CDKL2: variants seen among roughly 807,000 people sequenced by gnomAD.
CDKL2 encodes the protein cyclin-dependent kinase-like 2.
Under a neutral mutation model 63.9 loss-of-function variants are expected in CDKL2, and 64 were observed. That is an observed-to-expected ratio of 1.00 (90% CI 0.82 to 1.23). CDKL2 has a LOEUF of 1.23. Among genes scored for constraint, CDKL2 ranks in the 50% most tolerant of loss-of-function variants. CDKL2 has a pLI of 0.00. For missense variants in CDKL2, 656 were observed against 668.0 expected (o/e 0.98, Z 0.20); for synonymous variants, 211 against 229.2 (o/e 0.92, Z 0.72).
intron 12 of CDKL2, among the ~76,000 whole-genome samples, chr4:75,582,126 T>A (rs1212275701): frequency 6.6e-6 from 1 of 152,222 alleles, no homozygotes; most frequent in Non-Finnish European, 1.5e-5. Flanking sequence ...AGTTTATGCA[T>A]ATGTTAAAAG....
intron 2 of CDKL2, among the ~76,000 whole-genome samples, chr4:75,615,847 C>T (rs1729903993): frequency 6.6e-6 from 1 of 151,824 alleles, no homozygotes; most frequent in African/African-American, 2.4e-5. Flanking sequence ...AAAAATTAGC[C>T]TGGTGTGGTT....
chr4:75,626,773 C>T (rs1458331822), intron 1 of CDKL2, among the ~76,000 whole-genome samples: 1 of 151,934 alleles, frequency 6.6e-6, no homozygotes, highest in Non-Finnish European at 1.5e-5. Context: ...TGCCTGTGGT[C>T]CCAGCTACTT....
intron 7 of CDKL2, among the ~76,000 whole-genome samples, chr4:75,599,705 G>A (rs1421894362): frequency 6.6e-6 from 1 of 152,124 alleles, no homozygotes; most frequent in Admixed American, 6.6e-5. Flanking sequence ...ACAACTAATT[G>A]AGTACAAAAG....
chr4:75,593,396 A>G (rs1469834070), intron 10 of CDKL2, among the ~76,000 whole-genome samples: 1 of 152,076 alleles, frequency 6.6e-6, no homozygotes, highest in Non-Finnish European at 1.5e-5. Context: ...ATTGATCTTT[A>G]ACATACAAGT....
chr4:75,591,073 C>CAA (rs1728693525), intron 12 of CDKL2, among the ~76,000 whole-genome samples: 1 of 151,828 alleles, frequency 6.6e-6, no homozygotes, highest in Non-Finnish European at 1.5e-5. Context: ...TATGGAATAG[C>CAA]AAATCTTTAA....
intron 4 of CDKL2, among the ~76,000 whole-genome samples, chr4:75,606,004 A>G (rs1236880199): frequency 2.6e-5 from 4 of 152,174 alleles, no homozygotes; most frequent in Non-Finnish European, 5.9e-5. Context: ...CCTTCTGAAA[A>G]GCCAAAACAG....
rs1729453380 is a variant in CDKL2, at chr4:75,607,166, C to T, written c.542+17G>A. On this transcript the variant is annotated intron_variant, in intron 4 of 13. Transcript: ENST00000307465. ...GCAAGAGTAAAAATCTACTCCTCCC[C>T]ATTACTGATGTCTTACTTGCCATAC... 3.8e-6 allele frequency: 6 copies of T among 1,589,564 alleles called. No homozygotes were observed. The highest frequency in any genetic ancestry group is 1.1e-5 in the South Asian group (1 of 88,822).
chr4:75,583,007 A>C (rs1469172098), intron 12 of CDKL2, among the ~76,000 whole-genome samples: 1 of 152,226 alleles, frequency 6.6e-6, no homozygotes, highest in Non-Finnish European at 1.5e-5. Flanking sequence ...AAAACTAAGA[A>C]CATTTGTCAC....
At chr4:75,588,236 T>C (rs1728562724) in intron 12 of CDKL2, among the ~76,000 whole-genome samples, 1 of 150,272 alleles carries the variant, frequency 6.7e-6, no homozygotes, top group Non-Finnish European at 1.5e-5. Flanking sequence ...AAAAAAATTA[T>C]CCAAAACTTT....
intron 9 of CDKL2, 121 bp from the exon 10 acceptor site, chr4:75,596,461 T>G: frequency 1.5e-6 from 1 of 654,512 alleles, no homozygotes; most frequent in Non-Finnish European, 2.7e-6. Flanking sequence ...ATGTCTATTC[T>G]CAAATATACA....
Position 75,614,450 on chromosome 4 carries a change from C to T in CDKL2, c.169-1G>A. 6.5e-7 allele frequency: 1 copy of T among 1,531,886 alleles called. No individual in the cohort carries two copies. Among genetic ancestry groups the T allele is most frequent in the Non-Finnish European group, 8.8e-7 (1 of 1,135,950 alleles). 94.9% of individuals were successfully genotyped at this position (1,531,886 alleles called of 1,614,324 possible). The stretch of plus-strand genomic sequence containing the variant: ...TCACCAAGTTTTCATGCCTAAGTTG[C>T]TGTTATTAAAAAATGCAAAATAGCT... On this transcript the variant is annotated splice_acceptor_variant, in intron 2 of 13. Coordinates refer to ENST00000307465, the MANE Select transcript of CDKL2 (RefSeq NM_001330724.2). LOFTEE classifies it high-confidence loss of function.
At position 75,578,554 on chromosome 4, in the gene CDKL2, A is replaced by T. The variant is rs1728124209; in HGVS notation, c.*648T>A. On this transcript the variant is annotated 3_prime_UTR_variant, in exon 14 of 14. Transcript: ENST00000307465. ...AATACACTGATAGAATATCAAAAAT[A>T]ATTACAGAAGTCAAAGATACACATC... 1 of 152,228 alleles carries T rather than the reference A, an allele frequency of 6.6e-6. No individual in the cohort carries two copies. The highest frequency in any genetic ancestry group is 1.5e-5 in the Non-Finnish European group (1 of 68,044). The allele number at this position is 152,228 out of a possible 1,614,324, so 9.4% of individuals were successfully genotyped here.
intron 2 of CDKL2, among the ~76,000 whole-genome samples, chr4:75,622,308 T>C (rs1282334433): frequency 1.3e-5 from 2 of 152,144 alleles, no homozygotes; most frequent in Non-Finnish European, 2.9e-5. Context: ...TATCTGCTTA[T>C]AAGAGATATA....
At chr4:75,596,110 T>A in intron 10 of CDKL2, 137 bp downstream of exon 10, 1 of 517,770 alleles carries the variant, frequency 1.9e-6, no homozygotes, top group Non-Finnish European at 3.4e-6. Context: ...TGGGTTGGGA[T>A]AATATATGCA....
chr4:75,613,784 G>T (rs578024409), intron 3 of CDKL2, among the ~76,000 whole-genome samples: 3 of 152,136 alleles, frequency 2.0e-5, no homozygotes, highest in Admixed American at 2.0e-4. Context: ...AGCCAGGCAC[G>T]GTGGCTCATG....
At position 75,583,256 on chromosome 4, in the gene CDKL2, A is replaced by G. The variant is rs569127165; in HGVS notation, c.1648-1358T>C. The stretch of plus-strand genomic sequence containing the variant: ...TGTAGTACATATGAAGTTCTAACTT[A>G]AAGTGCAAACTGGGAAGAAGGGAAT... On this transcript the variant is annotated intron_variant, in intron 12 of 13. Transcript: ENST00000307465. 3.9e-5 allele frequency among the ~76,000 whole-genome samples: 6 copies of G among 152,376 alleles called. No homozygotes were observed. The South Asian group carries it at 1.2e-3, about 32-fold the overall frequency.
intron 3 of CDKL2, among the ~76,000 whole-genome samples, chr4:75,608,017 T>G (rs1729501430): frequency 6.6e-6 from 1 of 151,640 alleles, no homozygotes; most frequent in South Asian, 2.1e-4. Context: ...TTTCACCGTG[T>G]TAGCCAGGAT....
intron 6 of CDKL2, among the ~76,000 whole-genome samples, chr4:75,601,797 A>C (rs1194814361): frequency 1.3e-5 from 2 of 152,186 alleles, no homozygotes; most frequent in East Asian, 3.8e-4. Flanking sequence ...AGATTATGTA[A>C]AAAACTGGAA....
intron 3 of CDKL2, among the ~76,000 whole-genome samples, chr4:75,610,693 A>T (rs1308525331): frequency 1.3e-5 from 2 of 152,194 alleles, no homozygotes; most frequent in Non-Finnish European, 2.9e-5. Flanking sequence ...GATTAAAATC[A>T]TATTTATATT....
Sources: gnomAD v4.1 joint callset for allele counts (sites outside exome capture counted in the v4.1 genomes callset) on GRCh38, gnomAD v4.1.1 for gene constraint, MANE v1.5 for transcripts, NCBI Gene and HGNC (gene_info 2026-07-23, HGNC 2026-07-21) for gene names.